Variants in CELF2 observed in about 807,000 individuals in gnomAD.
The protein encoded by CELF2 is CUGBP Elav-like family member 2.
Under a neutral mutation model 62.6 loss-of-function variants are expected in CELF2, and 8 were observed. That is an observed-to-expected ratio of 0.13 (90% CI 0.07 to 0.23). The LOEUF (loss-of-function observed/expected upper bound fraction) is 0.23. Ranked by LOEUF, CELF2 falls within the 10% of genes least tolerant of loss-of-function variation. The pLI is 1.00. For synonymous variants in CELF2, 258 were observed against 250.0 expected, an observed-to-expected ratio of 1.03 and a Z score of -0.30; for missense variants, 333 against 671.0, an observed-to-expected ratio of 0.50 and a Z score of 5.56.
chr10:11,080,206 G>C (rs2141355646), intron 1 of CELF2, among the ~76,000 whole-genome samples: 1 of 152,306 alleles, frequency 6.6e-6, no homozygotes, highest in Middle Eastern at 3.4e-3. Flanking sequence ...TTTATTGTGA[G>C]AATTAAGTGA....
intron 1 of CELF2, among the ~76,000 whole-genome samples, chr10:11,090,918 G>A (rs553096268): frequency 7.2e-5 from 11 of 152,242 alleles, no homozygotes; most frequent in Admixed American, 4.6e-4. Context: ...ATAAACAACC[G>A]ATGGTTAAAT....
the CELF2 span, among the ~76,000 whole-genome samples, chr10:10,714,083 C>T: frequency 1.3e-5 from 2 of 151,950 alleles, no homozygotes; most frequent in Non-Finnish European, 2.9e-5. Context: ...ACTTTGAGAG[C>T]AATAAGACCA....
chr10:11,188,523 C>T lies in CELF2; in HGVS notation c.271+22841C>T, dbSNP rs555041528. On this transcript the variant is annotated intron_variant, in intron 2 of 12. Transcript: ENST00000633077. ...TTGTATTGTTTCAGATGTCATCCTT[C>T]TCCTTCTGTTTTTTTTTCCTCAGTC... 9.1e-4 allele frequency among the ~76,000 whole-genome samples: 139 copies of T among 152,230 alleles called. 1 individual carries two copies. Among genetic ancestry groups the T allele is most frequent in the Non-Finnish European group, 1.8e-4 (12 of 68,018 alleles).
rs138718339 is a variant in CELF2, at chr10:11,287,259, C to T, written c.842-1159C>T. On this transcript the variant is annotated intron_variant, in intron 8 of 12. Transcript: ENST00000633077. ...TCCACCATCTTTCTATCTTCAGTTC[C>T]TCTGTGTAGGGAGAGAACCATTGTT... Among the ~76,000 whole-genome samples the T allele has an allele frequency of 2.4e-3, 369 of 152,276 alleles. 1 individual carries two copies. Among genetic ancestry groups the T allele is most frequent in the Middle Eastern group, 6.8e-3 (2 of 294 alleles).
intron 1 of CELF2, among the ~76,000 whole-genome samples, chr10:11,101,053 T>A (rs1199570763): frequency 1.3e-5 from 2 of 152,282 alleles, no homozygotes; most frequent in Non-Finnish European, 2.9e-5. Flanking sequence ...TTTATGGGTG[T>A]TTGAGAGAGA....
intron 1 of CELF2, among the ~76,000 whole-genome samples, chr10:10,889,315 A>T (rs2061975104): frequency 6.6e-6 from 1 of 152,238 alleles, no homozygotes; most frequent in Non-Finnish European, 1.5e-5. Flanking sequence ...AGTTTCAAAT[A>T]AAATCATATA....
rs909235218 is a variant in CELF2, at chr10:11,306,369, G to A, written c.977-7770G>A. Among the ~76,000 whole-genome samples, 1 of 152,066 alleles carries A rather than the reference G, an allele frequency of 6.6e-6. No individual in the cohort carries two copies. Among genetic ancestry groups the A allele is most frequent in the Non-Finnish European group, 1.5e-5 (1 of 68,006 alleles). Reference sequence around the variant, plus strand: ...AATCTGAGGTGGGAAGAATGCAGATGGTTGTCCGAGGCAGCATCTTGCCAG... The same window carrying A: ...AATCTGAGGTGGGAAGAATGCAGATAGTTGTCCGAGGCAGCATCTTGCCAG... On this transcript the variant is annotated intron_variant, in intron 9 of 12. Transcript: ENST00000633077. The surrounding 1 kb of genome is among the most constrained non-coding windows in gnomAD (Gnocchi z 4.4).
intron 2 of CELF2, among the ~76,000 whole-genome samples, chr10:11,182,629 A>G (rs1357982932): frequency 2.0e-5 from 3 of 152,158 alleles, no homozygotes; most frequent in Admixed American, 6.5e-5. Flanking sequence ...ATGAAGAGAA[A>G]ATGAGAGTGG....
chr10:11,148,843 AAC>A lies in CELF2; in HGVS notation c.75-16613_75-16612del, dbSNP rs58567770. Among the ~76,000 whole-genome samples, 187 of 146,584 alleles carry A rather than the reference AAC, an allele frequency of 1.3e-3. 1 individual carries two copies. The highest frequency in any genetic ancestry group is 3.6e-3 in the Middle Eastern group (1 of 280). ...TGTTATCGATTATTATCTTAAACCA[AAC>A]ACACACACACACACACACACACACA... On this transcript the variant is annotated intron_variant, in intron 1 of 12. Coordinates refer to ENST00000633077, the MANE Select transcript of CELF2 (RefSeq NM_001326342.2).
intron 1 of CELF2, among the ~76,000 whole-genome samples, chr10:11,089,168 G>C (rs1302149891): frequency 6.6e-6 from 1 of 152,216 alleles, no homozygotes; most frequent in Non-Finnish European, 1.5e-5. Context: ...GACTCCCACT[G>C]TCATTGGGGA....
At chr10:10,478,486 T>G in the CELF2 span, among the ~76,000 whole-genome samples, 1 of 104,948 alleles carries the variant, frequency 9.5e-6, no homozygotes. Context: ...TTACATTTAA[T>G]TTTGTTTTGG....
chr10:11,186,993 A>T (rs1010572355), intron 2 of CELF2, among the ~76,000 whole-genome samples: 2 of 152,180 alleles, frequency 1.3e-5, no homozygotes, highest in Non-Finnish European at 2.9e-5. Context: ...TAAACAGTCC[A>T]TGTGCATCTC....
At chr10:10,626,555 C>G in the CELF2 span, among the ~76,000 whole-genome samples, 2 of 152,132 alleles carry the variant, frequency 1.3e-5, no homozygotes, top group Non-Finnish European at 1.5e-5. Flanking sequence ...TGAATTCTCC[C>G]TCTAGGCTCT....
At chr10:10,967,823 C>T (rs1435339488) in intron 2 of CELF2, among the ~76,000 whole-genome samples, 1 of 152,090 alleles carries the variant, frequency 6.6e-6, no homozygotes, top group Admixed American at 6.6e-5. Flanking sequence ...GGTATGTCCT[C>T]CACATAGACA....
intron 2 of CELF2, among the ~76,000 whole-genome samples, chr10:10,977,054 G>T (rs560199804): frequency 6.6e-6 from 1 of 152,128 alleles, no homozygotes; most frequent in Non-Finnish European, 1.5e-5. Context: ...ATATCCTTCT[G>T]TCAGGAGCTC....
chr10:10,641,108 A>G, the CELF2 span, among the ~76,000 whole-genome samples: 998 of 152,320 alleles, frequency 6.6e-3, 13 homozygotes, highest in African/African-American at 0.022. Flanking sequence ...CTGGATAACT[A>G]TGAAATTTCA....
At chr10:11,116,884 T>C (rs1456475930) in intron 1 of CELF2, among the ~76,000 whole-genome samples, 1 of 152,230 alleles carries the variant, frequency 6.6e-6, no homozygotes, top group Non-Finnish European at 1.5e-5. Flanking sequence ...ACCTAAACTA[T>C]GGTAGATACT....
intron 7 of CELF2, among the ~76,000 whole-genome samples, chr10:11,274,551 A>G (rs1000806461): frequency 1.3e-5 from 2 of 152,240 alleles, no homozygotes; most frequent in African/African-American, 4.8e-5. Flanking sequence ...TTGGTCATGT[A>G]GTGGTGGCTG....
chr10:10,973,448 G>A (rs1416771378), intron 2 of CELF2, among the ~76,000 whole-genome samples: 1 of 152,040 alleles, frequency 6.6e-6, no homozygotes, highest in East Asian at 1.9e-4. Flanking sequence ...TACCCCTCAC[G>A]CCCACCCATG....
Sources: allele counts gnomAD v4.1 joint callset (sites outside exome capture counted in the v4.1 genomes callset), GRCh38; gene constraint gnomAD v4.1.1; non-coding constraint Gnocchi (gnomAD v3.1); transcripts MANE v1.5; gene names NCBI Gene and HGNC (gene_info 2026-07-23, HGNC 2026-07-21).